The following CCDC125 variants were observed in gnomAD, a reference collection of about 807,000 sequenced individuals.
CCDC125 encodes the protein coiled-coil domain containing 125, also known as coiled-coil domain-containing protein 125.
Under a neutral mutation model 57.4 loss-of-function variants are expected in CCDC125, and 43 were observed. That is an observed-to-expected ratio of 0.75 (90% CI 0.59 to 0.97). The LOEUF is 0.97. CCDC125 is among the 50% of genes least tolerant of loss of function. The pLI is 0.00. For missense variants in CCDC125, 563 were observed against 595.7 expected (o/e 0.95, Z 0.57); for synonymous variants, 187 against 195.2 (o/e 0.96, Z 0.35).
rs1756137983 is a variant in CCDC125, at chr5:69,300,105, C to G, written c.723G>C (p.Glu241Asp). ...DNAVLNQRYL[E>D]ALAMLDIKQQ... is the part of the protein sequence containing the mutation. ...GTTTGATATCAAGCATGGCGAGGGC[C>G]TCCAAATACCGTTGATTCAAAACTA... The change falls in exon 8 of 12, where the codon GAG (glutamate) becomes GAC (aspartate). Residue 241 changes from glutamate to aspartate, a missense_variant. By Grantham distance (45) the Glu-to-Asp change is conservative. Coordinates refer to ENST00000396496, the MANE Select transcript of CCDC125 (RefSeq NM_176816.5). 3 of 1,614,046 alleles carry G rather than the reference C, an allele frequency of 1.9e-6. No individual in the cohort carries two copies. The highest frequency in any genetic ancestry group is 1.7e-6 in the Non-Finnish European group (2 of 1,179,914).
intron 4 of CCDC125, 98 bp from the exon 5 acceptor site, chr5:69,308,126 A>G: frequency 2.4e-6 from 2 of 844,082 alleles, no homozygotes; most frequent in Non-Finnish European, 2.0e-6. Context: ...TGGAAAATTA[A>G]GATGAATTGA....
At chr5:69,295,612 C>T (rs990450059) in intron 8 of CCDC125, among the ~76,000 whole-genome samples, 8 of 152,144 alleles carry the variant, frequency 5.3e-5, no homozygotes, top group Admixed American at 1.3e-4. Flanking sequence ...CACTGACCTC[C>T]GTTACAGATT....
intron 10 of CCDC125, among the ~76,000 whole-genome samples, chr5:69,286,189 T>C (rs1457106527): frequency 1.6e-3 from 10 of 6,272 alleles, no homozygotes; most frequent in Non-Finnish European, 3.0e-3. Context: ...AATGGTAAAC[T>C]ATATATATAT....
At position 69,308,000 on chromosome 5, in the gene CCDC125, G is replaced by C; in HGVS notation, c.482C>G (p.Thr161Arg). 1 of 1,613,882 alleles carries C rather than the reference G, an allele frequency of 6.2e-7. No homozygotes were observed. Among genetic ancestry groups the C allele is most frequent in the African/African-American group, 1.3e-5 (1 of 75,038 alleles). Reference protein sequence around the residue: ...MAILGKATSHTQAVLQKTMEQ... With the variant: ...MAILGKATSHRQAVLQKTMEQ... ...CATAGTTTTTTGAAGCACTGCCTGCGTATGACTTGTGGCTTTGCCCAGTAT... is the reference window on the plus strand; with the variant it reads ...CATAGTTTTTTGAAGCACTGCCTGCCTATGACTTGTGGCTTTGCCCAGTAT... The change falls in exon 5 of 12, where the codon ACG (threonine) becomes AGG (arginine). Residue 161 changes from threonine (T) to arginine (R), a missense_variant. Thr to Arg is a moderately conservative substitution (Grantham distance 71). Coordinates refer to ENST00000396496, the MANE Select transcript of CCDC125 (RefSeq NM_176816.5).
At chr5:69,316,097 A>G (rs968495844) in intron 2 of CCDC125, among the ~76,000 whole-genome samples, 2 of 152,196 alleles carry the variant, frequency 1.3e-5, no homozygotes, top group African/African-American at 4.8e-5. Context: ...CTAAGGCAAA[A>G]CCTAAATCAT....
At position 69,287,346 on chromosome 5, in the gene CCDC125, C is replaced by A. The variant is rs1035793729; in HGVS notation, c.1100-1879G>T. Among the ~76,000 whole-genome samples, 13 of 151,984 alleles carry A rather than the reference C, an allele frequency of 8.6e-5. No homozygotes were observed. The South Asian group carries it at 2.7e-3, about 32-fold the overall frequency. The stretch of plus-strand genomic sequence containing the variant: ...CAGCGCAATCTTGGCTCACCACAAC[C>A]TCTGCCTCCCGGGTTCAAACATTTC... On this transcript the variant is annotated intron_variant, in intron 10 of 11. Coordinates refer to ENST00000396496, the MANE Select transcript of CCDC125 (RefSeq NM_176816.5).
downstream of CCDC125, among the ~76,000 whole-genome samples, chr5:69,279,280 C>T (rs180995304): frequency 4.5e-3 from 686 of 151,104 alleles, 11 homozygotes; most frequent in African/African-American, 0.016. Flanking sequence ...TCACTGCAAC[C>T]TCCGCCCACT....
chr5:69,287,208 GAGAA>G (rs1347596125), intron 10 of CCDC125, among the ~76,000 whole-genome samples: 7 of 151,440 alleles, frequency 4.6e-5, no homozygotes, highest in African/African-American at 1.7e-4. Context: ...CTGAGAAACT[GAGAA>G]AGAACTACTC....
chr5:69,279,876 T>C (rs563819738), downstream of CCDC125, among the ~76,000 whole-genome samples: 2 of 151,946 alleles, frequency 1.3e-5, no homozygotes, highest in Admixed American at 1.3e-4. Context: ...AGGAAAGAGG[T>C]TTAATTGACT....
chr5:69,279,408 G>T (rs1233752149), downstream of CCDC125, among the ~76,000 whole-genome samples: 1 of 152,112 alleles, frequency 6.6e-6, no homozygotes, highest in South Asian at 2.1e-4. Flanking sequence ...GTGTTAGCCA[G>T]GATGGTCTCT....
At chr5:69,320,127 A>G in intron 2 of CCDC125, 110 bp downstream of exon 2, 1 of 1,141,246 alleles carries the variant, frequency 8.8e-7, no homozygotes, top group East Asian at 2.4e-5. Context: ...CGTCCAGAAA[A>G]AAAAGAAAAT....
intron 1 of CCDC125, among the ~76,000 whole-genome samples, chr5:69,324,800 G>T (rs997401044): frequency 6.6e-6 from 1 of 152,034 alleles, no homozygotes; most frequent in Admixed American, 6.6e-5. Context: ...ATCACTTGAG[G>T]CCAGGAGTTC....
At chr5:69,305,827 T>G (rs1469937450) in intron 6 of CCDC125, among the ~76,000 whole-genome samples, 2 of 152,180 alleles carry the variant, frequency 1.3e-5, no homozygotes, top group East Asian at 3.8e-4. Context: ...AGGAGCCCCC[T>G]GACCCCTTCT....
intron 11 of CCDC125, among the ~76,000 whole-genome samples, chr5:69,283,462 A>C (rs551483664): frequency 5.5e-4 from 84 of 151,842 alleles, no homozygotes; most frequent in Middle Eastern, 6.8e-3. Context: ...CCTTGTGATC[A>C]GCCCACCTTG....
chr5:69,322,660 T>G (rs1054139450), intron 1 of CCDC125, among the ~76,000 whole-genome samples: 2 of 151,924 alleles, frequency 1.3e-5, no homozygotes, highest in Non-Finnish European at 2.9e-5. Flanking sequence ...CCTCCTGGAT[T>G]CAAGCAATTC....
At chr5:69,301,288 T>C (rs1756401848) in intron 7 of CCDC125, among the ~76,000 whole-genome samples, 1 of 152,060 alleles carries the variant, frequency 6.6e-6, no homozygotes, top group African/African-American at 2.4e-5. Flanking sequence ...TGATTTGTCC[T>C]CTTCAAGCCA....
At chr5:69,313,590 G>C (rs1257365439) in intron 3 of CCDC125, 1 of 731,662 alleles carries the variant, frequency 1.4e-6, no homozygotes, top group Admixed American at 1.8e-5. Flanking sequence ...CCTCCTTCTT[G>C]CTCTCTTGGT....
At position 69,282,650 on chromosome 5, in the gene CCDC125, T is replaced by TG; in HGVS notation, c.*78dup. 8.1e-7 allele frequency: 1 copy of TG among 1,231,716 alleles called. No individual in the cohort carries two copies. The highest frequency in any genetic ancestry group is 1.1e-6 in the Non-Finnish European group (1 of 884,298). 76.3% of individuals were successfully genotyped at this position (1,231,716 alleles called of 1,614,324 possible). ...CTAGGAAACATACAACTTCTCAAGA[T>TG]GCAGCAAAATTTACAAAATCATTTT... On this transcript the variant is annotated 3_prime_UTR_variant, in exon 12 of 12. Coordinates refer to ENST00000396496, the MANE Select transcript of CCDC125 (RefSeq NM_176816.5).
In CCDC125 at chr5:69,282,920, T is replaced by G; in HGVS notation, c.1345A>C (p.Lys449Gln). The G allele has an allele frequency of 6.2e-7, 1 of 1,614,082 alleles. No homozygotes were observed. Among genetic ancestry groups the G allele is most frequent in the South Asian group, 1.1e-5 (1 of 91,068 alleles). The change falls in exon 12 of 12, where the codon AAA (lysine) becomes CAA (glutamine). Residue 449 changes from lysine to glutamine, a missense_variant. Lys to Gln is a moderately conservative substitution (Grantham distance 53). Transcript: ENST00000396496. ...GGGTTGTTGAAAGGGAAATTCTCTT[T>G]TATAGGATTTTTTTCTTTATTCTCG... is the stretch of plus-strand genomic sequence containing the variant. ...SNENKEKNPI[K>Q]ENFPFNNPWR... is the part of the protein sequence containing the mutation.
Sources: allele counts gnomAD v4.1 joint callset (sites outside exome capture counted in the v4.1 genomes callset), GRCh38; gene constraint gnomAD v4.1.1; transcripts MANE v1.5; gene names NCBI Gene and HGNC (gene_info 2026-07-23, HGNC 2026-07-21).